Variants in REG4 observed in about 807,000 individuals in gnomAD.
The protein encoded by REG4 is regenerating family member 4.
In REG4, 16 loss-of-function variants were observed where a neutral mutation model predicts 22.3. The observed-to-expected ratio is 0.72, with a 90% CI of 0.49 to 1.09. The LOEUF (loss-of-function observed/expected upper bound fraction) is 1.09. Ranked by LOEUF, REG4 falls within the 50% of genes least tolerant of loss-of-function variation. The pLI, the probability that REG4 is intolerant of heterozygous loss-of-function variation, is 0.00. For synonymous variants in REG4, 71 were observed against 69.2 expected (o/e 1.03, Z -0.13); for missense variants, 214 against 193.9 (o/e 1.10, Z -0.61).
intron 2 of REG4, among the ~76,000 whole-genome samples, chr1:119,803,738 A>C (rs1654200849): frequency 6.6e-6 from 1 of 152,182 alleles, no homozygotes; most frequent in African/African-American, 2.4e-5. Context: ...CATTCCAAGG[A>C]GGGAGGAGTC....
chr1:119,808,138 T>C (rs1051166206), intron 2 of REG4, among the ~76,000 whole-genome samples: 1 of 152,202 alleles, frequency 6.6e-6, no homozygotes, highest in African/African-American at 2.4e-5. Flanking sequence ...TCCTTCCATT[T>C]CTGGTATTCT....
rs188690315 is a variant in REG4 at position 119,810,271 on chromosome 1, A to G, written c.-95+1138T>C. On this transcript the variant is annotated intron_variant, in intron 1 of 5. Coordinates refer to ENST00000256585, the MANE Select transcript of REG4 (RefSeq NM_032044.4). ...TCATCTGTCTGGGCTTTGTTTTAACATAAGTATGAAACTGAGTTCTGGATT... is the reference window on the plus strand; with the variant it reads ...TCATCTGTCTGGGCTTTGTTTTAACGTAAGTATGAAACTGAGTTCTGGATT... 4.7e-3 allele frequency among the ~76,000 whole-genome samples: 712 copies of G among 152,320 alleles called. 3 individuals carry two copies. Among genetic ancestry groups the G allele is most frequent in the African/African-American group, 0.016 (664 of 41,562 alleles).
At chr1:119,795,766 G>T (rs771074258) in intron 5 of REG4, among the ~76,000 whole-genome samples, 7 of 152,206 alleles carry the variant, frequency 4.6e-5, no homozygotes, top group Non-Finnish European at 8.8e-5. Context: ...AGTGCTCAGC[G>T]CAGGAGCCAC....
In REG4 at chr1:119,798,621, G is replaced by T; in HGVS notation, c.304-19C>A. 6.2e-7 allele frequency: 1 copy of T among 1,607,038 alleles called. No homozygotes were observed. Among genetic ancestry groups the T allele is most frequent in the Non-Finnish European group, 8.5e-7 (1 of 1,173,628 alleles). On this transcript the variant is annotated intron_variant, in intron 4 of 5. Transcript: ENST00000256585. Reference sequence around the variant, plus strand: ...GCTGCCTCTGCAACAACAGGAGATGGAGAAGTGTACAGCTCAGCAACCCAC... The same window carrying T: ...GCTGCCTCTGCAACAACAGGAGATGTAGAAGTGTACAGCTCAGCAACCCAC...
chr1:119,798,931 T>C (rs1654014129), intron 4 of REG4, among the ~76,000 whole-genome samples: 1 of 152,158 alleles, frequency 6.6e-6, no homozygotes, highest in Admixed American at 6.5e-5. Context: ...GTATAAAATA[T>C]TTGTAACAAC....
chr1:119,803,211 A>G (rs1296483860), intron 2 of REG4, 46 bp from the exon 3 acceptor site: 1 of 1,488,086 alleles, frequency 6.7e-7, no homozygotes, highest in South Asian at 1.5e-5. Context: ...AGCAAAAACA[A>G]TCAATTCCCA....
intron 3 of REG4, chr1:119,802,079 C>CT (rs1205760897): frequency 1.3e-5 from 2 of 152,772 alleles, no homozygotes; most frequent in Non-Finnish European, 2.9e-5. Flanking sequence ...TAGAGAAAGT[C>CT]TATTCCTCTC....
At chr1:119,811,166 A>C (rs768974908) in intron 1 of REG4, among the ~76,000 whole-genome samples, 5 of 152,240 alleles carry the variant, frequency 3.3e-5, no homozygotes, top group African/African-American at 1.2e-4. Context: ...TAACTTTTCT[A>C]AAGTTTCCCA....
intron 3 of REG4, chr1:119,801,212 G>A (rs2101069324): frequency 6.6e-6 from 1 of 152,232 alleles, no homozygotes; most frequent in African/African-American, 2.4e-5. Flanking sequence ...CTCTTCTGGG[G>A]TTGTGTTACA....
intron 2 of REG4, 84 bp from the exon 3 acceptor site, chr1:119,803,249 C>A (rs1557762354): frequency 7.3e-7 from 1 of 1,377,058 alleles, no homozygotes; most frequent in Non-Finnish European, 9.6e-7. Context: ...AATCAGGAAC[C>A]CCTTGAATGA....
intron 1 of REG4, among the ~76,000 whole-genome samples, chr1:119,810,876 A>G (rs1335619825): frequency 6.6e-6 from 1 of 152,102 alleles, no homozygotes; most frequent in Non-Finnish European, 1.5e-5. Context: ...AACATGGCAC[A>G]ACCCTGTCTC....
At chr1:119,808,056 T>C (rs766409975) in intron 2 of REG4, among the ~76,000 whole-genome samples, 3 of 152,232 alleles carry the variant, frequency 2.0e-5, no homozygotes, top group Admixed American at 6.5e-5. Flanking sequence ...GGCAAATCTC[T>C]ACCCTTTTCT....
chr1:119,808,709 G>C lies in REG4; in HGVS notation c.61C>G (p.Leu21Val), dbSNP rs1654401949. Reference protein sequence around the residue: ...LLSCLAKTGVLGDIIMRPSCA... With the variant: ...LLSCLAKTGVVGDIIMRPSCA... The stretch of plus-strand genomic sequence containing the variant: ...CTACGTGATGGATACTCACCACCCA[G>C]GACTCCTGTTTTGGCCAGGCAGCTC... Residue 21 changes from leucine to valine, a missense_variant, in exon 2 of 6, where the codon CTG becomes GTG. Leu to Val is a conservative substitution (Grantham distance 32). Transcript: ENST00000256585. 1 of 1,613,158 alleles carries C rather than the reference G, an allele frequency of 6.2e-7. No homozygotes were observed. Among genetic ancestry groups the C allele is most frequent in the Non-Finnish European group, 8.5e-7 (1 of 1,179,186 alleles).
chr1:119,810,667 G>A (rs587723855), intron 1 of REG4, among the ~76,000 whole-genome samples: 1 of 152,294 alleles, frequency 6.6e-6, no homozygotes, highest in Admixed American at 6.5e-5. Flanking sequence ...TGACCATCTG[G>A]GGGAAGGGAG....
chr1:119,808,729 C>A lies in REG4; in HGVS notation c.41G>T (p.Cys14Phe). The change falls in exon 2 of 6, where the codon TGC (cysteine) becomes TTC (phenylalanine). Residue 14 changes from cysteine to phenylalanine, a missense_variant. By Grantham distance (205) the Cys-to-Phe change is radical. Transcript: ENST00000256585. ...ACCCAGGACTCCTGTTTTGGCCAGG[C>A]AGCTCAGCAATAGGAGCAGCCGCAT... ...RSMRLLLLLS[C>F]LAKTGVLGDI... 3 of 1,614,042 alleles carry A rather than the reference C, an allele frequency of 1.9e-6. No individual in the cohort carries two copies. Among genetic ancestry groups the A allele is most frequent in the Non-Finnish European group, 2.5e-6 (3 of 1,179,918 alleles).
At position 119,797,379 on chromosome 1, in the gene REG4, C is replaced by A. The variant is rs139118973; in HGVS notation, c.409+1118G>T. ...TCTGAGGGCTTTCCTCAGAGTGTGT[C>A]TCCTCATGCCTGCCCTTTGCCTCAT... On this transcript the variant is annotated intron_variant, in intron 5 of 5. Coordinates refer to ENST00000256585, the MANE Select transcript of REG4 (RefSeq NM_032044.4). 7.0e-4 allele frequency among the ~76,000 whole-genome samples: 106 copies of A among 152,314 alleles called. 1 individual carries two copies. In the East Asian group the frequency reaches 0.018, roughly 25 times the overall value.
intron 2 of REG4, among the ~76,000 whole-genome samples, 174 bp from the exon 3 acceptor site, chr1:119,803,339 G>A (rs1480905702): frequency 1.3e-5 from 2 of 152,170 alleles, no homozygotes; most frequent in Non-Finnish European, 2.9e-5. Context: ...TTCCCAAAGG[G>A]ACCTATGGCC....
At chr1:119,811,386 TC>T (rs1654493551) in intron 1 of REG4, 22 bp downstream of exon 1, 1 of 152,116 alleles carries the variant, frequency 6.6e-6, no homozygotes, top group Non-Finnish European at 1.5e-5. Flanking sequence ...AAGTCCCCCA[TC>T]ATCAACCGCG....
At chr1:119,803,596 G>T (rs1264808511) in intron 2 of REG4, among the ~76,000 whole-genome samples, 6 of 152,194 alleles carry the variant, frequency 3.9e-5, no homozygotes, top group Admixed American at 3.9e-4. Flanking sequence ...TACATAATTG[G>T]ACTAGATAGA....
Sources: gnomAD v4.1 joint callset for allele counts (sites outside exome capture counted in the v4.1 genomes callset) on GRCh38, gnomAD v4.1.1 for gene constraint, MANE v1.5 for transcripts, NCBI Gene and HGNC (gene_info 2026-07-23, HGNC 2026-07-21) for gene names.